Variants in F8 observed in about 807,000 individuals in gnomAD.
F8 encodes antihemophilic factor.
Under a neutral mutation model 140.6 loss-of-function variants are expected in F8, and 12 were observed. The ratio of observed to expected loss-of-function variants is 0.09; its 90% CI spans 0.05 to 0.14. The LOEUF (loss-of-function observed/expected upper bound fraction) is 0.14. Ranked by LOEUF, F8 falls within the 10% of genes least tolerant of loss-of-function variation. F8 has a pLI of 1.00. For synonymous variants in F8, 585 were observed against 614.6 expected (o/e 0.95, Z 0.71); for missense variants, 1,354 against 1,720.7 (o/e 0.79, Z 3.77).
At chrX:154,904,152 C>G in intron 17 of F8, 64 bp from the exon 18 acceptor site, 1 of 1,152,468 alleles carries the variant, frequency 8.7e-7, no homozygotes, top group African/African-American at 1.8e-5. Context: ...CTCCACTCCA[C>G]CAAAAAAACT....
At chrX:154,925,153 AT>A (rs1351267981) in intron 14 of F8, among the ~76,000 whole-genome samples, 5 of 112,218 alleles carry the variant, frequency 4.5e-5, no homozygotes, top group Non-Finnish European at 5.6e-5. Flanking sequence ...CAGGCTGCAA[AT>A]TTTCCAAACT....
In F8 at chrX:154,961,178, TAAGCG is replaced by T. The variant is rs1391954741; in HGVS notation, c.1444-15_1444-11del. 1 of 1,102,644 alleles carries T rather than the reference TAAGCG, an allele frequency of 9.1e-7. No homozygotes were observed. The highest frequency in any genetic ancestry group is 3.0e-5 in the East Asian group (1 of 33,315). The allele number at this position is 1,102,644 out of a possible 1,213,427, so 90.9% of individuals were successfully genotyped here. ...GATTCTTAAATATAATCTGAAAGTATAAGCGAGATCTAAGATCAAATCCTAAAACG... is the reference window on the plus strand; with the variant it reads ...GATTCTTAAATATAATCTGAAAGTATAGATCTAAGATCAAATCCTAAAACG... On this transcript the variant is annotated splice_polypyrimidine_tract_variant and intron_variant, in intron 9 of 25. Coordinates refer to ENST00000360256, the MANE Select transcript of F8 (RefSeq NM_000132.4).
At chrX:154,837,845 T>A in intron 25 of F8, 93 bp from the exon 26 acceptor site, 1 of 898,882 alleles carries the variant, frequency 1.1e-6, no homozygotes, top group Non-Finnish European at 1.6e-6. Context: ...TTGTTTCCAG[T>A]AGTCCAGGAT....
chrX:154,986,636 T>A (rs1356491475), intron 5 of F8, among the ~76,000 whole-genome samples: 1 of 111,165 alleles, frequency 9.0e-6, no homozygotes, highest in Non-Finnish European at 1.9e-5. Context: ...AGATACTCAC[T>A]TCAGTAAGCT....
chrX:154,964,601 A>T (rs1378915836), intron 9 of F8, among the ~76,000 whole-genome samples: 14 of 112,124 alleles, frequency 1.2e-4, no homozygotes, highest in Non-Finnish European at 2.4e-4. Flanking sequence ...TAATGAAAAA[A>T]GGATTGGTTG....
At chrX:154,932,060 G>A (rs910994965) in intron 13 of F8, among the ~76,000 whole-genome samples, 6 of 112,301 alleles carry the variant, frequency 5.3e-5, no homozygotes, top group Non-Finnish European at 9.4e-5. Context: ...TAGTGGCACA[G>A]GTTCCTCTTA....
At chrX:154,933,367 T>C (rs1454084901) in intron 13 of F8, among the ~76,000 whole-genome samples, 1 of 112,095 alleles carries the variant, frequency 8.9e-6, no homozygotes, top group Non-Finnish European at 1.9e-5. Flanking sequence ...AGGTATAAGC[T>C]ATCTGGCCAA....
At chrX:154,909,182 T>A in intron 14 of F8, 1 of 203,556 alleles carries the variant, frequency 4.9e-6, no homozygotes, top group Middle Eastern at 2.1e-3. Context: ...TCAGTTGTAA[T>A]GTTAACTGGA....
Position 154,860,448 on chromosome X carries a change from T to C in F8, c.6884A>G (p.Gln2295Arg). Reference protein sequence around the residue: ...QDGHQWTLFFQNGKVKVFQGN... With the variant: ...QDGHQWTLFFRNGKVKVFQGN... The stretch of plus-strand genomic sequence containing the variant: ...CCAGCTTACCTTTACTTTGCCATTC[T>C]GAAAAAAGAGAGTCCACTGATGGCC... Residue 2295 changes from glutamine to arginine, a missense_variant, in exon 25 of 26, where the codon CAG becomes CGG. By Grantham distance (43) the Gln-to-Arg change is conservative. This residue lies in a region of F8 where 316 missense variants were observed against 485.4 expected (regional missense o/e 0.65). Coordinates refer to ENST00000360256, the MANE Select transcript of F8 (RefSeq NM_000132.4). 1 of 1,211,529 alleles carries C rather than the reference T, an allele frequency of 8.3e-7. No individual in the cohort carries two copies. The highest frequency in any genetic ancestry group is 1.1e-6 in the Non-Finnish European group (1 of 895,251).
intron 22 of F8, among the ~76,000 whole-genome samples, chrX:154,867,004 T>C (rs941009440): frequency 9.0e-6 from 1 of 110,653 alleles, no homozygotes; most frequent in Non-Finnish European, 1.9e-5. Flanking sequence ...AAAATATAAA[T>C]GAAAGAGGAG....
chrX:154,945,917 C>A (rs1306789840), intron 13 of F8, among the ~76,000 whole-genome samples: 1 of 111,430 alleles, frequency 9.0e-6, no homozygotes, highest in Non-Finnish European at 1.9e-5. Context: ...AACCAACATG[C>A]AAAAATCAGT....
intron 11 of F8, 86 bp downstream of exon 11, chrX:154,956,871 A>G: frequency 1.2e-6 from 1 of 812,117 alleles, no homozygotes; most frequent in South Asian, 2.0e-5. Context: ...TTACTGACCT[A>G]TATTGCAAAC....
intron 1 of F8, among the ~76,000 whole-genome samples, chrX:155,015,881 T>C (rs1280574433): frequency 8.9e-6 from 1 of 112,392 alleles, no homozygotes; most frequent in Non-Finnish European, 1.9e-5. Flanking sequence ...TCCAAGAAGA[T>C]ATAGGAATGG....
At position 154,876,412 on chromosome X, in the gene F8, C is replaced by T. The variant is rs187736298; in HGVS notation, c.6430-13185G>A. Reference sequence around the variant, plus strand: ...GGGATTACAGGCATAAGCCACCGTGCCCGGCTGGAAATTTTAAAAAATTAT... The same window carrying T: ...GGGATTACAGGCATAAGCCACCGTGTCCGGCTGGAAATTTTAAAAAATTAT... On this transcript the variant is annotated intron_variant, in intron 22 of 25. Transcript: ENST00000360256. Among the ~76,000 whole-genome samples, 640 of 111,358 alleles carry T rather than the reference C, an allele frequency of 5.7e-3. 7 individuals are homozygous for T. Among genetic ancestry groups the T allele is most frequent in the African/African-American group, 0.02 (611 of 30,697 alleles).
chrX:154,953,698 G>GA (rs1420024885), intron 12 of F8, among the ~76,000 whole-genome samples, 194 bp downstream of exon 12: 1 of 111,915 alleles, frequency 8.9e-6, no homozygotes, highest in African/African-American at 3.2e-5. Flanking sequence ...ATATTGAAAG[G>GA]AAAAAATGGT....
chrX:154,852,852 C>T (rs782357434), intron 25 of F8, among the ~76,000 whole-genome samples: 2 of 111,150 alleles, frequency 1.8e-5, no homozygotes, highest in East Asian at 2.8e-4. Context: ...GCAGCCTGAG[C>T]GACAGAGTGA....
chrX:154,962,895 A>T (rs2073403521), intron 9 of F8, among the ~76,000 whole-genome samples: 1 of 100,938 alleles, frequency 9.9e-6, no homozygotes, highest in Non-Finnish European at 2.0e-5. Flanking sequence ...GACAGAGACG[A>T]GAGAGAGAGA....
At chrX:154,871,563 C>T (rs782800062) in intron 22 of F8, among the ~76,000 whole-genome samples, 132 of 112,188 alleles carry the variant, frequency 1.2e-3, no homozygotes, top group Middle Eastern at 8.3e-3. Flanking sequence ...GGATCAAATA[C>T]TTAAACGTAA....
chrX:154,967,953 G>A (rs1356235360), intron 7 of F8, among the ~76,000 whole-genome samples: 4 of 111,713 alleles, frequency 3.6e-5, no homozygotes, highest in African/African-American at 1.3e-4. Flanking sequence ...TGGATGCATG[G>A]CAAGATCAAT....
Sources: allele counts gnomAD v4.1 joint callset (sites outside exome capture counted in the v4.1 genomes callset), GRCh38; gene constraint gnomAD v4.1.1; regional missense constraint gnomAD v4.1.1; transcripts MANE v1.5; gene names NCBI Gene and HGNC (gene_info 2026-07-23, HGNC 2026-07-21).